The following ARID1B variants were observed in gnomAD, a reference collection of about 807,000 sequenced individuals.
ARID1B encodes the protein AT-rich interaction domain 1B, also known as AT-rich interactive domain-containing protein 1B.
ARID1B carries 30 observed loss-of-function variants against 212.3 expected under a neutral mutation model. That is an observed-to-expected ratio of 0.14 (90% confidence interval 0.11 to 0.19). ARID1B has a LOEUF of 0.19. Ranked by LOEUF, ARID1B falls within the 10% of genes least tolerant of loss-of-function variation. ARID1B has a pLI of 1.00. For missense variants in ARID1B, 2,891 were observed against 3,204.0 expected (o/e 0.90, Z 2.36); for synonymous variants, 1,402 against 1,301.7 (o/e 1.08, Z -1.66).
intron 3 of ARID1B, among the ~76,000 whole-genome samples, chr6:156,920,787 G>A (rs766043602): frequency 6.6e-6 from 1 of 152,010 alleles, no homozygotes; most frequent in African/African-American, 2.4e-5. Flanking sequence ...TCAGGAAGTC[G>A]GGCAGGGAAG....
chr6:156,983,108 GA>G (rs989755745), intron 4 of ARID1B, among the ~76,000 whole-genome samples: 1 of 147,766 alleles, frequency 6.8e-6, no homozygotes, highest in Non-Finnish European at 1.5e-5. Flanking sequence ...AAAAAAAAAA[GA>G]AAAAAAAGAA....
Position 157,146,781 on chromosome 6 carries a change from G to A in ARID1B, c.2762-1843G>A, listed in dbSNP as rs897660051. Among the ~76,000 whole-genome samples, 9 of 152,270 alleles carry A rather than the reference G, an allele frequency of 5.9e-5. No homozygotes were observed. In the East Asian group the frequency reaches 9.6e-4, roughly 16 times the overall value. ...AAGTGTATAGTTATGTTACATGGAT[G>A]GAGAAAGGCTTCCAAAAAATAGTAA... On this transcript the variant is annotated intron_variant, in intron 7 of 19. Coordinates refer to ENST00000636930, the MANE Select transcript of ARID1B (RefSeq NM_001374828.1).
chr6:157,204,674 A>C (rs1794327464), intron 19 of ARID1B: 2 of 152,216 alleles, frequency 1.3e-5, no homozygotes, highest in Admixed American at 6.5e-5. Context: ...GTTCAGAGGT[A>C]GGCTTCAGGT....
At chr6:156,924,448 T>C (rs1717119454) in intron 3 of ARID1B, among the ~76,000 whole-genome samples, 1 of 152,234 alleles carries the variant, frequency 6.6e-6, no homozygotes, top group South Asian at 2.1e-4. Flanking sequence ...GGGGCCATTA[T>C]GAAGTAAAAT....
At chr6:156,800,623 T>G (rs1780710297) in intron 1 of ARID1B, among the ~76,000 whole-genome samples, 1 of 151,974 alleles carries the variant, frequency 6.6e-6, no homozygotes, top group Non-Finnish European at 1.5e-5. Flanking sequence ...AAATTAAAAT[T>G]AGGCTGGGCA....
chr6:157,075,326 T>C (rs1249079053), intron 4 of ARID1B, among the ~76,000 whole-genome samples: 1 of 152,218 alleles, frequency 6.6e-6, no homozygotes, highest in Non-Finnish European at 1.5e-5. Context: ...GTAATCTAGT[T>C]AAGCTAATCA....
intron 2 of ARID1B, among the ~76,000 whole-genome samples, chr6:156,884,624 G>T (rs544903305): frequency 1.3e-5 from 2 of 152,300 alleles, no homozygotes; most frequent in South Asian, 4.1e-4. Flanking sequence ...GCTGTGTGTG[G>T]GCTAATCATA....
rs1212978990 is a variant in ARID1B at position 157,190,552 on chromosome 6, G to T, written c.4231+342G>T. On this transcript the variant is annotated intron_variant, in intron 15 of 19. Transcript: ENST00000636930. This position sits in a 1 kb window ranked among gnomAD's most constrained non-coding sequence, Gnocchi z 4.6. Reference sequence around the variant, plus strand: ...CTTCCAAAGGCATGGCGAGGATTAAGTTCCTGCAACAGAGCTCAGAGAAGA... The same window carrying T: ...CTTCCAAAGGCATGGCGAGGATTAATTTCCTGCAACAGAGCTCAGAGAAGA... 1.3e-5 allele frequency among the ~76,000 whole-genome samples: 2 copies of T among 152,254 alleles called. No homozygotes were observed. Among genetic ancestry groups the T allele is most frequent in the Non-Finnish European group, 2.9e-5 (2 of 68,042 alleles).
At chr6:156,926,329 T>C (rs533412258) in intron 3 of ARID1B, among the ~76,000 whole-genome samples, 1 of 152,242 alleles carries the variant, frequency 6.6e-6, no homozygotes, top group Non-Finnish European at 1.5e-5. Flanking sequence ...TAGCTAAGCA[T>C]TAGGATTTAA....
chr6:157,013,702 A>G (rs777794286), intron 4 of ARID1B, among the ~76,000 whole-genome samples: 11 of 152,338 alleles, frequency 7.2e-5, no homozygotes, highest in Non-Finnish European at 1.6e-4. Context: ...CTGCAACGCA[A>G]TCTCATGGAC....
intron 4 of ARID1B, among the ~76,000 whole-genome samples, chr6:157,007,440 A>G (rs1779311234): frequency 6.6e-6 from 1 of 152,222 alleles, no homozygotes; most frequent in South Asian, 2.1e-4. Context: ...TAGGCACTCT[A>G]AAGCTCTTCT....
At position 157,067,000 on chromosome 6, in the gene ARID1B, C is replaced by T. The variant is rs577976560; in HGVS notation, c.2248-17662C>T. ...TTGAAATCATGGCCCAACCACCTCA[C>T]CCTCTGAATCTGTTTCCTGTGTATG... On this transcript the variant is annotated intron_variant, in intron 4 of 19. Coordinates refer to ENST00000636930, the MANE Select transcript of ARID1B (RefSeq NM_001374828.1). 6.6e-5 allele frequency among the ~76,000 whole-genome samples: 10 copies of T among 152,162 alleles called. No individual in the cohort carries two copies. The East Asian group carries it at 1.9e-3, about 29-fold the overall frequency.
chr6:156,892,243 G>A (rs529454195), intron 2 of ARID1B, among the ~76,000 whole-genome samples: 12 of 152,006 alleles, frequency 7.9e-5, no homozygotes, highest in African/African-American at 2.2e-4. Context: ...TTAAAAGAAC[G>A]TTGTTTCTAT....
In ARID1B at chr6:157,200,470, AG is replaced by A. The variant is rs1794017825; in HGVS notation, c.4480-233del. Among the ~76,000 whole-genome samples the A allele has an allele frequency of 6.6e-6, 1 of 151,520 alleles. No individual in the cohort carries two copies. Among genetic ancestry groups the A allele is most frequent in the African/African-American group, 2.4e-5 (1 of 41,250 alleles). On this transcript the variant is annotated intron_variant, in intron 17 of 19. Transcript: ENST00000636930. This position sits in a 1 kb window ranked among gnomAD's most constrained non-coding sequence, Gnocchi z 4.3. ...GGAGAGGAGGCTTTTTTTTTTCCAC[AG>A]GAAGTTTCAAACACGTGAAAACAAA...
chr6:156,980,196 T>C (rs982889611), intron 4 of ARID1B, among the ~76,000 whole-genome samples: 2 of 152,204 alleles, frequency 1.3e-5, no homozygotes, highest in East Asian at 1.9e-4. Flanking sequence ...AAAAGAATCA[T>C]TGAAGGTCGG....
intron 2 of ARID1B, among the ~76,000 whole-genome samples, chr6:156,883,640 T>A (rs1428045153): frequency 6.6e-6 from 1 of 152,088 alleles, no homozygotes; most frequent in African/African-American, 2.4e-5. Flanking sequence ...GATCTCACTC[T>A]CCGATCCTCA....
chr6:157,187,678 G>A (rs769769292), intron 13 of ARID1B, among the ~76,000 whole-genome samples: 3 of 151,568 alleles, frequency 2.0e-5, no homozygotes, highest in Non-Finnish European at 4.4e-5. Flanking sequence ...AAAAGGTAGG[G>A]ATGTCCTAGA....
intron 5 of ARID1B, among the ~76,000 whole-genome samples, chr6:157,090,619 CAGAA>C (rs1785215704): frequency 6.6e-6 from 1 of 152,230 alleles, no homozygotes; most frequent in Non-Finnish European, 1.5e-5. Context: ...CTATCATAGA[CAGAA>C]ACAAAATAGA....
chr6:156,879,891 A>T (rs559552563), intron 2 of ARID1B, among the ~76,000 whole-genome samples: 1 of 152,356 alleles, frequency 6.6e-6, no homozygotes, highest in South Asian at 2.1e-4. Context: ...CATTCATGAT[A>T]TTGGGAGAAA....
Sources: allele counts gnomAD v4.1 joint callset (sites outside exome capture counted in the v4.1 genomes callset), GRCh38; gene constraint gnomAD v4.1.1; non-coding constraint Gnocchi (gnomAD v3.1); transcripts MANE v1.5; gene names NCBI Gene and HGNC (gene_info 2026-07-23, HGNC 2026-07-21).